The following PRDM16 variants were observed in gnomAD, a reference collection of about 807,000 sequenced individuals.
PRDM16 encodes histone-lysine N-methyltransferase PRDM16.
In PRDM16, 23 loss-of-function variants were observed where a neutral mutation model predicts 110.6. The ratio of observed to expected loss-of-function variants is 0.21; its 90% CI spans 0.15 to 0.29. The LOEUF (loss-of-function observed/expected upper bound fraction) is 0.29, where lower values mean the gene tolerates loss of function less well. Ranked by LOEUF, PRDM16 falls within the 10% of genes least tolerant of loss-of-function variation. The pLI, the probability that PRDM16 is intolerant of heterozygous loss-of-function variation, is 1.00. For synonymous variants in PRDM16, 799 were observed against 781.8 expected, an observed-to-expected ratio of 1.02 and a Z score of -0.37; for missense variants, 1,615 against 1,794.3, an observed-to-expected ratio of 0.90 and a Z score of 1.81.
At chr1:3,110,559 G>A (rs1642768609) in intron 1 of PRDM16, among the ~76,000 whole-genome samples, 1 of 152,068 alleles carries the variant, frequency 6.6e-6, no homozygotes, top group African/African-American at 2.4e-5. Flanking sequence ...CTGGGTGTGG[G>A]GACACAGTGT....
chr1:3,101,470 C>T (rs1052324581), intron 1 of PRDM16, among the ~76,000 whole-genome samples: 9 of 152,238 alleles, frequency 5.9e-5, no homozygotes, highest in South Asian at 4.1e-4. Context: ...CGTGAGCGGA[C>T]GTCCCAGCAC....
At chr1:3,082,231 G>C (rs1379977762) in intron 1 of PRDM16, among the ~76,000 whole-genome samples, 1 of 152,190 alleles carries the variant, frequency 6.6e-6, no homozygotes. Context: ...GTCAGGTCCT[G>C]TGCAGTCAGG....
At position 3,411,829 on chromosome 1, in the gene PRDM16, C is replaced by A; in HGVS notation, c.1632C>A (p.Asp544Glu). ...AGAGCCCCCTGAACCACACCCAGGA[C>A]GCCAAGCTCCCCAGTCCCCTGGGGA... Reference protein sequence around the residue: ...LLKSPLNHTQDAKLPSPLGNP... With the variant: ...LLKSPLNHTQEAKLPSPLGNP... The change falls in exon 9 of 17, where the codon GAC becomes GAA. Residue 544 changes from aspartate to glutamate, a missense_variant. Asp to Glu is a conservative substitution (Grantham distance 45, BLOSUM62 2). Coordinates refer to ENST00000270722, the MANE Select transcript of PRDM16 (RefSeq NM_022114.4). The A allele has an allele frequency of 6.2e-7, 1 of 1,611,022 alleles. No individual in the cohort carries two copies. Among genetic ancestry groups the A allele is most frequent in the Non-Finnish European group, 8.5e-7 (1 of 1,178,532 alleles).
chr1:3,392,207 C>T (rs1005628099), intron 4 of PRDM16, among the ~76,000 whole-genome samples: 1 of 152,230 alleles, frequency 6.6e-6, no homozygotes, highest in African/African-American at 2.4e-5. Context: ...TGGCTGCTTT[C>T]ACGTGTTTTG....
Position 3,427,085 on chromosome 1 carries a change from T to C in PRDM16, c.3284+860T>C, listed in dbSNP as rs1459017153. Among the ~76,000 whole-genome samples the C allele has an allele frequency of 3.9e-5, 6 of 152,332 alleles. No homozygotes were observed. In the East Asian group the frequency reaches 9.7e-4, roughly 25 times the overall value. ...CCGTGTGCGTACACCTAGAGACACATGTACACGCATGGGCGCACGTGCGTC... is the reference window on the plus strand; with the variant it reads ...CCGTGTGCGTACACCTAGAGACACACGTACACGCATGGGCGCACGTGCGTC... On this transcript the variant is annotated intron_variant, in intron 14 of 16. Transcript: ENST00000270722.
intron 8 of PRDM16, among the ~76,000 whole-genome samples, chr1:3,410,673 T>C (rs1643670087): frequency 6.6e-6 from 1 of 152,124 alleles, no homozygotes; most frequent in Non-Finnish European, 1.5e-5. Flanking sequence ...CTAGGAACAC[T>C]GTGAACTTCT....
chr1:3,322,840 G>A (rs1228243653), intron 3 of PRDM16, among the ~76,000 whole-genome samples: 1 of 152,202 alleles, frequency 6.6e-6, no homozygotes, highest in Admixed American at 6.5e-5. Context: ...GGACAGGGAG[G>A]GCAGTGGTGT....
intron 3 of PRDM16, among the ~76,000 whole-genome samples, chr1:3,366,497 C>A (rs543864423): frequency 6.6e-6 from 1 of 152,358 alleles, no homozygotes; most frequent in South Asian, 2.1e-4. Context: ...TCCCAGCCTC[C>A]GTAGCCTGCT....
intron 3 of PRDM16, among the ~76,000 whole-genome samples, chr1:3,296,956 C>G (rs867197197): frequency 6.6e-6 from 1 of 152,192 alleles, no homozygotes; most frequent in African/African-American, 2.4e-5. Flanking sequence ...TACAGCTGGG[C>G]AAACTCATCT....
intron 2 of PRDM16, among the ~76,000 whole-genome samples, chr1:3,188,939 T>C (rs1453978541): frequency 6.6e-6 from 1 of 152,216 alleles, no homozygotes; most frequent in Non-Finnish European, 1.5e-5. Flanking sequence ...TTGGGGCCTT[T>C]GGGCAGGAAA....
Position 3,199,831 on chromosome 1 carries a change from GGA to G in PRDM16, c.387+13362_387+13363del, listed in dbSNP as rs1487885601. On this transcript the variant is annotated intron_variant, in intron 2 of 16. Transcript: ENST00000270722. The stretch of plus-strand genomic sequence containing the variant: ...GACACGAGCACCATGCTGTCTTCCC[GGA>G]GAGACCACGGTGCACCCTGTCTCAA... Among the ~76,000 whole-genome samples, 13 of 152,300 alleles carry G rather than the reference GGA, an allele frequency of 8.5e-5. No homozygotes were observed. In the South Asian group the frequency reaches 2.7e-3, roughly 32 times the overall value.
At chr1:3,311,235 G>A (rs192981128) in intron 3 of PRDM16, among the ~76,000 whole-genome samples, 4 of 152,350 alleles carry the variant, frequency 2.6e-5, no homozygotes, top group Admixed American at 6.5e-5. Context: ...CGGCGCTGCC[G>A]CCACTCCGAG....
intron 3 of PRDM16, among the ~76,000 whole-genome samples, chr1:3,366,009 C>T (rs945315231): frequency 2.0e-5 from 3 of 150,624 alleles, no homozygotes; most frequent in African/African-American, 7.5e-5. Context: ...TACGCGCACG[C>T]ACACACACAT....
At chr1:3,263,467 G>T (rs1186911912) in intron 3 of PRDM16, among the ~76,000 whole-genome samples, 1 of 152,218 alleles carries the variant, frequency 6.6e-6, no homozygotes, top group Non-Finnish European at 1.5e-5. Context: ...TGGTCCCTGG[G>T]CATCTGTCCT....
intron 1 of PRDM16, among the ~76,000 whole-genome samples, chr1:3,130,786 G>A (rs1643317579): frequency 7.6e-6 from 1 of 132,248 alleles, no homozygotes; most frequent in Non-Finnish European, 1.5e-5. Context: ...TGCGGGGGCG[G>A]TGGGGGGGCT....
At chr1:3,312,267 G>T (rs1261540072) in intron 3 of PRDM16, among the ~76,000 whole-genome samples, 2 of 152,226 alleles carry the variant, frequency 1.3e-5, no homozygotes, top group Non-Finnish European at 2.9e-5. Flanking sequence ...TTATTCCCAC[G>T]CTCATCCTCT....
At chr1:3,180,959 CTT>C (rs1197620029) in intron 1 of PRDM16, among the ~76,000 whole-genome samples, 7 of 142,642 alleles carry the variant, frequency 4.9e-5, no homozygotes, top group Middle Eastern at 3.4e-3. Flanking sequence ...CACACGCAGT[CTT>C]ACACACTCGG....
intron 1 of PRDM16, among the ~76,000 whole-genome samples, chr1:3,139,964 C>G (rs1365651428): frequency 6.6e-6 from 1 of 152,270 alleles, no homozygotes; most frequent in Non-Finnish European, 1.5e-5. Context: ...TTAATCATGC[C>G]TGCCAGACAA....
intron 3 of PRDM16, among the ~76,000 whole-genome samples, chr1:3,313,733 C>T (rs1006761432): frequency 6.6e-6 from 1 of 152,220 alleles, no homozygotes; most frequent in African/African-American, 2.4e-5. Flanking sequence ...CCGCCTCCTG[C>T]CCCGGCGGGC....
Sources: gnomAD v4.1 joint callset for allele counts (sites outside exome capture counted in the v4.1 genomes callset) on GRCh38, gnomAD v4.1.1 for gene constraint, MANE v1.5 for transcripts, NCBI Gene and HGNC (gene_info 2026-07-23, HGNC 2026-07-21) for gene names.